SLC8A1: variants seen among roughly 807,000 people sequenced by gnomAD.
The protein encoded by SLC8A1 is sodium/calcium exchanger 1.
SLC8A1 carries 18 observed loss-of-function variants against 68.3 expected under a neutral mutation model. That is an observed-to-expected ratio of 0.26 (90% CI 0.18 to 0.39). The LOEUF (loss-of-function observed/expected upper bound fraction) is 0.39. Among genes scored for constraint, SLC8A1 ranks in the 10% least tolerant of loss-of-function variants. SLC8A1 has a pLI of 1.00. For missense variants in SLC8A1, 985 were observed against 1,156.7 expected (o/e 0.85, Z 2.15); for synonymous variants, 475 against 415.5 (o/e 1.14, Z -1.74).
At chr2:40,298,008 T>G (rs1043036684) in intron 2 of SLC8A1, among the ~76,000 whole-genome samples, 2 of 152,082 alleles carry the variant, frequency 1.3e-5, no homozygotes, top group African/African-American at 2.4e-5. Context: ...GACTCCTGAG[T>G]AGCTAGGATT....
chr2:40,464,435 T>C (rs1289934629), intron 1 of SLC8A1, among the ~76,000 whole-genome samples: 1 of 152,240 alleles, frequency 6.6e-6, no homozygotes, highest in Non-Finnish European at 1.5e-5. Context: ...CAGTCTACTG[T>C]GCACTCTATT....
At chr2:40,299,155 G>A (rs2070965066) in intron 2 of SLC8A1, among the ~76,000 whole-genome samples, 1 of 152,166 alleles carries the variant, frequency 6.6e-6, no homozygotes, top group African/African-American at 2.4e-5. Flanking sequence ...CTTTCTGGGT[G>A]GCAGAGCCAT....
intron 1 of SLC8A1, among the ~76,000 whole-genome samples, chr2:40,481,044 A>G (rs1704594267): frequency 6.6e-6 from 1 of 152,194 alleles, no homozygotes; most frequent in South Asian, 2.1e-4. Context: ...CCTTAGATGT[A>G]ACTGTATGGA....
intron 2 of SLC8A1, among the ~76,000 whole-genome samples, chr2:40,238,401 G>C (rs181477418): frequency 6.6e-5 from 10 of 150,730 alleles, no homozygotes; most frequent in East Asian, 4.0e-4. Flanking sequence ...TCTTTGACTC[G>C]GAAGGGAAAC....
chr2:40,232,361 A>G (rs1293158709), intron 2 of SLC8A1, among the ~76,000 whole-genome samples: 1 of 151,436 alleles, frequency 6.6e-6, no homozygotes, highest in Non-Finnish European at 1.5e-5. Flanking sequence ...TATTATTTTA[A>G]GAGAGATGGG....
intron 7 of SLC8A1, among the ~76,000 whole-genome samples, chr2:40,138,234 GTGAATT>G (rs2040891980): frequency 6.6e-6 from 1 of 152,164 alleles, no homozygotes; most frequent in African/African-American, 2.4e-5. Context: ...AGAATAACTG[GTGAATT>G]TGAGTAGAAA....
intron 1 of SLC8A1, among the ~76,000 whole-genome samples, chr2:40,449,022 T>G (rs1042690973): frequency 2.0e-5 from 3 of 152,072 alleles, no homozygotes; most frequent in African/African-American, 7.2e-5. Context: ...AGATCTAATT[T>G]ATATTTCAGT....
At chr2:40,133,711 C>A (rs550892546) in intron 7 of SLC8A1, among the ~76,000 whole-genome samples, 14 of 57,976 alleles carry the variant, frequency 2.4e-4, no homozygotes, top group Non-Finnish European at 4.4e-4. Context: ...TCCCCCCCCC[C>A]CACCGACTCA....
In SLC8A1 at chr2:40,105,546, T is replaced by C. The variant is rs368096883; in HGVS notation, c.*9707A>G. On this transcript the variant is annotated 3_prime_UTR_variant, in exon 8 of 8. Coordinates refer to ENST00000406785, the Ensembl canonical transcript of SLC8A1. Reference sequence around the variant, plus strand: ...AGAGTTGGAGTGTCAGAATATTCTCTTGGAAGAAAAGGATGCAAGTGTAGA... The same window carrying C: ...AGAGTTGGAGTGTCAGAATATTCTCCTGGAAGAAAAGGATGCAAGTGTAGA... 4.6e-5 allele frequency: 7 copies of C among 152,156 alleles called. No homozygotes were observed. The East Asian group carries it at 5.8e-4, about 13-fold the overall frequency. The allele number at this position is 152,156 out of a possible 1,614,324, so 9.4% of individuals were successfully genotyped here.
intron 1 of SLC8A1, among the ~76,000 whole-genome samples, chr2:40,433,146 T>A (rs992823009): frequency 2.6e-5 from 4 of 152,108 alleles, no homozygotes; most frequent in African/African-American, 7.2e-5. Context: ...ATTCCTAAAG[T>A]GCAGATCTGA....
intron 2 of SLC8A1, among the ~76,000 whole-genome samples, chr2:40,420,136 A>C (rs1695071011): frequency 6.6e-6 from 1 of 152,188 alleles, no homozygotes; most frequent in Admixed American, 6.5e-5. Context: ...AATATATCTA[A>C]AAATTCTATG....
chr2:40,420,611 T>C (rs2149742812), intron 2 of SLC8A1, among the ~76,000 whole-genome samples: 1 of 152,314 alleles, frequency 6.6e-6, no homozygotes, highest in East Asian at 1.9e-4. Context: ...AGCATTCCCT[T>C]GCCTCTCAAA....
chr2:40,374,357 A>T (rs1369909324), intron 2 of SLC8A1, among the ~76,000 whole-genome samples: 1 of 151,818 alleles, frequency 6.6e-6, no homozygotes, highest in East Asian at 1.9e-4. Flanking sequence ...GTATTTATAT[A>T]TATATTTATA....
At chr2:40,165,536 A>G (rs1338223079) in intron 4 of SLC8A1, among the ~76,000 whole-genome samples, 1 of 152,226 alleles carries the variant, frequency 6.6e-6, no homozygotes, top group Non-Finnish European at 1.5e-5. Flanking sequence ...GTTAAACAGC[A>G]AAACATCCAT....
At chr2:40,136,222 C>T (rs552634736) in intron 7 of SLC8A1, among the ~76,000 whole-genome samples, 7 of 152,162 alleles carry the variant, frequency 4.6e-5, no homozygotes, top group Non-Finnish European at 5.9e-5. Flanking sequence ...TCTCTATTCA[C>T]AGGCACGGGT....
At chr2:40,382,276 C>T (rs184457175) in intron 2 of SLC8A1, among the ~76,000 whole-genome samples, 1 of 152,240 alleles carries the variant, frequency 6.6e-6, no homozygotes, top group East Asian at 1.9e-4. Context: ...TAACCAATCT[C>T]TACTTAATGA....
chr2:40,140,610 T>C (rs375817223), intron 6 of SLC8A1, among the ~76,000 whole-genome samples: 160 of 152,350 alleles, frequency 1.1e-3, no homozygotes, highest in African/African-American at 3.6e-3. Flanking sequence ...CTCCATGTAA[T>C]ACTGATGCAT....
intron 2 of SLC8A1, among the ~76,000 whole-genome samples, chr2:40,194,401 G>A (rs894657081): frequency 7.2e-5 from 11 of 151,818 alleles, no homozygotes; most frequent in African/African-American, 2.2e-4. Flanking sequence ...AAGTTGAGGT[G>A]TGGGAAAGGG....
chr2:40,351,120 A>G (rs553379052), intron 2 of SLC8A1, among the ~76,000 whole-genome samples: 14 of 152,280 alleles, frequency 9.2e-5, no homozygotes, highest in African/African-American at 3.4e-4. Flanking sequence ...GAATGGGATC[A>G]CCCATCATAC....
Sources: allele counts gnomAD v4.1 joint callset (sites outside exome capture counted in the v4.1 genomes callset), GRCh38; gene constraint gnomAD v4.1.1; transcripts MANE v1.5; gene names NCBI Gene and HGNC (gene_info 2026-07-23, HGNC 2026-07-21).